The following CDH4 variants were observed in gnomAD, a reference collection of about 807,000 sequenced individuals.
CDH4 encodes cadherin-4.
A neutral mutation model predicts 86.0 loss-of-function variants in CDH4; 33 were observed. The ratio of observed to expected loss-of-function variants is 0.38; its 90% CI spans 0.29 to 0.51. The LOEUF is 0.51. Ranked by LOEUF, CDH4 falls within the 20% of genes least tolerant of loss-of-function variation. The probability of loss-of-function intolerance (pLI) is 0.86; values close to 1 mark genes in which losing one functional copy is unlikely to be tolerated. For missense variants in CDH4, 1,114 were observed against 1,307.4 expected (o/e 0.85, Z 2.28); for synonymous variants, 555 against 549.4 (o/e 1.01, Z -0.14).
rs2086270254 is a variant in CDH4 at position 61,565,231 on chromosome 20, T to TGGTCCTCTTGGTGATGGGGA, written c.170-178329_170-178328insCCTCTTGGTGATGGGGAGGT. On this transcript the variant is annotated intron_variant, in intron 2 of 15. Coordinates refer to ENST00000614565, the MANE Select transcript of CDH4 (RefSeq NM_001794.5). ...CGGTGCTCTCGGTGGTAGGTGGTGG[T>TGGTCCTCTTGGTGATGGGGA]GGTGGTGGTGGCGGTGCTCTTGGTG... Among the ~76,000 whole-genome samples the TGGTCCTCTTGGTGATGGGGA allele has an allele frequency of 8.5e-4, 39 of 45,782 alleles. 5 individuals carry two copies. The highest frequency in any genetic ancestry group is 2.2e-3 in the Admixed American group (10 of 4,486). The allele number at this position is 45,782 out of a possible 152,430, so 30.0% of individuals were successfully genotyped here. A position where few individuals can be genotyped will look rare whatever the true frequency, so the allele number is the denominator to read the frequency against.
intron 2 of CDH4, among the ~76,000 whole-genome samples, chr20:61,699,283 G>A (rs1051564904): frequency 2.0e-5 from 3 of 151,958 alleles, no homozygotes; most frequent in Admixed American, 6.5e-5. Context: ...CGGCCTGGCT[G>A]ATGAGGGGGC....
At chr20:61,567,807 C>CCCCGTATGTTA (rs1401552783) in intron 2 of CDH4, among the ~76,000 whole-genome samples, 3 of 152,042 alleles carry the variant, frequency 2.0e-5, no homozygotes, top group African/African-American at 7.2e-5. Context: ...CACGGCAAAA[C>CCCCGTATGTTA]CCCGTATGTT....
At chr20:61,338,240 G>A (rs895444016) in intron 2 of CDH4, among the ~76,000 whole-genome samples, 1 of 152,042 alleles carries the variant, frequency 6.6e-6, no homozygotes, top group African/African-American at 2.4e-5. Flanking sequence ...CACTTAAAAA[G>A]CACAAGTTAT....
At chr20:61,606,084 G>A (rs1277202483) in intron 2 of CDH4, among the ~76,000 whole-genome samples, 6 of 152,132 alleles carry the variant, frequency 3.9e-5, no homozygotes, top group African/African-American at 1.4e-4. Context: ...AGCCAGGGCT[G>A]CCCGTGCAGG....
At chr20:61,869,422 A>G (rs76398177) in intron 6 of CDH4, among the ~76,000 whole-genome samples, 8,685 of 152,306 alleles carry the variant, frequency 0.057, 368 homozygotes, top group East Asian at 0.18. Flanking sequence ...CCTGACATAC[A>G]TACTGTCCAG....
chr20:61,586,072 G>A (rs1568698736), intron 2 of CDH4, among the ~76,000 whole-genome samples: 6 of 148,966 alleles, frequency 4.0e-5, no homozygotes, highest in Non-Finnish European at 1.5e-5. Context: ...GTGGTGATGG[G>A]GAAGATGATG....
rs192272992 is a variant in CDH4 at position 61,455,183 on chromosome 20, C to T, written c.169+200246C>T. ...TCCACAAGCATATACTTTGTAAAGACATCAATATCAAGTCCAACTTTGAGA... is the reference window on the plus strand; with the variant it reads ...TCCACAAGCATATACTTTGTAAAGATATCAATATCAAGTCCAACTTTGAGA... On this transcript the variant is annotated intron_variant, in intron 2 of 15. Coordinates refer to ENST00000614565, the MANE Select transcript of CDH4 (RefSeq NM_001794.5). Among the ~76,000 whole-genome samples, 440 of 152,282 alleles carry T rather than the reference C, an allele frequency of 2.9e-3. 3 individuals are homozygous for T. Among genetic ancestry groups the T allele is most frequent in the African/African-American group, 8.5e-3 (353 of 41,554 alleles).
chr20:61,295,163 T>C (rs1369484274), intron 2 of CDH4, among the ~76,000 whole-genome samples: 6 of 152,224 alleles, frequency 3.9e-5, no homozygotes, highest in South Asian at 2.1e-4. Flanking sequence ...AATCAGGCTG[T>C]TGTACGGGAG....
At chr20:61,901,293 C>T (rs1325260672) in intron 8 of CDH4, among the ~76,000 whole-genome samples, 2 of 152,016 alleles carry the variant, frequency 1.3e-5, no homozygotes, top group African/African-American at 4.8e-5. Flanking sequence ...GCCACAGATC[C>T]GACAATTCTG....
intron 2 of CDH4, among the ~76,000 whole-genome samples, chr20:61,535,686 G>GA (rs1239642701): frequency 6.6e-6 from 1 of 152,194 alleles, no homozygotes; most frequent in Non-Finnish European, 1.5e-5. Context: ...GCCCTTCTGA[G>GA]AGGGGGCCCG....
In CDH4 at chr20:61,279,762, C is replaced by T. The variant is rs930800229; in HGVS notation, c.169+24825C>T. On this transcript the variant is annotated intron_variant, in intron 2 of 15. Coordinates refer to ENST00000614565, the MANE Select transcript of CDH4 (RefSeq NM_001794.5). ...GATGTGCAAGTTCCTTATTTTGTGA[C>T]GTTCTGTGCACCAAGCACAGCACAT... Among the ~76,000 whole-genome samples the T allele has an allele frequency of 1.9e-4, 29 of 152,310 alleles. 1 individual carries two copies. The highest frequency in any genetic ancestry group is 7.0e-4 in the African/African-American group (29 of 41,576).
At chr20:61,605,593 C>T (rs1007578243) in intron 2 of CDH4, among the ~76,000 whole-genome samples, 2 of 151,850 alleles carry the variant, frequency 1.3e-5, no homozygotes, top group African/African-American at 4.8e-5. Context: ...CCCTGTCTCT[C>T]CCTCTGTCTC....
At chr20:61,339,429 A>G (rs1367116934) in intron 2 of CDH4, among the ~76,000 whole-genome samples, 1 of 151,548 alleles carries the variant, frequency 6.6e-6, no homozygotes, top group African/African-American at 2.4e-5. Flanking sequence ...ATTTAGGTGG[A>G]GTGTGTGTGC....
intron 3 of CDH4, among the ~76,000 whole-genome samples, chr20:61,766,959 G>A (rs1427046961): frequency 1.3e-5 from 2 of 152,248 alleles, no homozygotes; most frequent in African/African-American, 4.8e-5. Flanking sequence ...GGCCCTGTGG[G>A]AAGTGGTGGG....
chr20:61,685,228 A>G (rs983076198), intron 2 of CDH4, among the ~76,000 whole-genome samples: 26 of 152,310 alleles, frequency 1.7e-4, no homozygotes, highest in African/African-American at 6.0e-4. Flanking sequence ...AGGGTCTCCC[A>G]TGCGGTTTGG....
intron 4 of CDH4, among the ~76,000 whole-genome samples, chr20:61,837,994 C>T (rs1981957278): frequency 6.6e-6 from 1 of 152,054 alleles, no homozygotes; most frequent in Non-Finnish European, 1.5e-5. Context: ...CTCCCCAAGC[C>T]CTCACCTCCA....
At chr20:61,588,688 G>A (rs568328778) in intron 2 of CDH4, among the ~76,000 whole-genome samples, 13 of 152,050 alleles carry the variant, frequency 8.5e-5, no homozygotes, top group Non-Finnish European at 1.6e-4. Context: ...TCTCCAGTGC[G>A]TTTATCTTTC....
intron 2 of CDH4, among the ~76,000 whole-genome samples, chr20:61,638,892 G>A (rs1200321820): frequency 6.6e-6 from 1 of 152,196 alleles, no homozygotes; most frequent in East Asian, 1.9e-4. Flanking sequence ...GCACAGTGTA[G>A]GGTAGGGAAT....
chr20:61,896,659 G>C (rs914226895), intron 8 of CDH4, among the ~76,000 whole-genome samples: 2 of 152,234 alleles, frequency 1.3e-5, no homozygotes, highest in Non-Finnish European at 2.9e-5. Context: ...GCGTTCAGAT[G>C]GTTTGGAAAA....
Sources: gnomAD v4.1 joint callset for allele counts (sites outside exome capture counted in the v4.1 genomes callset) on GRCh38, gnomAD v4.1.1 for gene constraint, MANE v1.5 for transcripts, NCBI Gene and HGNC (gene_info 2026-07-23, HGNC 2026-07-21) for gene names.